GOLPH3: variants seen among roughly 807,000 people sequenced by gnomAD.
The protein encoded by GOLPH3 is golgi phosphoprotein 3, also known as coat protein GPP34.
A neutral mutation model predicts 28.5 loss-of-function variants in GOLPH3; 14 were observed. That is an observed-to-expected ratio of 0.49 (90% CI 0.32 to 0.77). The LOEUF (loss-of-function observed/expected upper bound fraction) is 0.77. GOLPH3 is among the 30% of genes least tolerant of loss of function. The pLI is 0.03. For missense variants in GOLPH3, 350 were observed against 393.7 expected (o/e 0.89, Z 0.94); for synonymous variants, 158 against 159.2 (o/e 0.99, Z 0.06).
chr5:32,156,440 T>C (rs1746428128), intron 1 of GOLPH3, among the ~76,000 whole-genome samples: 1 of 151,974 alleles, frequency 6.6e-6, no homozygotes, highest in Admixed American at 6.6e-5. Flanking sequence ...GAGGCAGCGG[T>C]TGCAGTGAAT....
chr5:32,143,613 A>G, intron 2 of GOLPH3, 136 bp downstream of exon 2: 1 of 768,884 alleles, frequency 1.3e-6, no homozygotes, highest in Non-Finnish European at 2.0e-6. Flanking sequence ...GAATGCAAAA[A>G]AGATATGGAA....
intron 1 of GOLPH3, among the ~76,000 whole-genome samples, chr5:32,156,690 G>C (rs1244991678): frequency 6.6e-6 from 1 of 152,082 alleles, no homozygotes; most frequent in African/African-American, 2.4e-5. Flanking sequence ...TTCTCATAAG[G>C]ATCGCCTACC....
At chr5:32,162,850 G>A (rs1392032118) in intron 1 of GOLPH3, among the ~76,000 whole-genome samples, 2 of 152,070 alleles carry the variant, frequency 1.3e-5, no homozygotes, top group South Asian at 2.1e-4. Flanking sequence ...AGGCAGAGGC[G>A]GGCGGATCAC....
At chr5:32,135,460 C>A in intron 3 of GOLPH3, 112 bp downstream of exon 3, 1 of 667,916 alleles carries the variant, frequency 1.5e-6, no homozygotes. Context: ...TCAAGTTTGC[C>A]TAAATAACTA....
At chr5:32,149,198 G>A (rs1473213591) in intron 1 of GOLPH3, among the ~76,000 whole-genome samples, 1 of 152,228 alleles carries the variant, frequency 6.6e-6, no homozygotes, top group Non-Finnish European at 1.5e-5. Context: ...GACAAATGCA[G>A]AGTAGAAATG....
At chr5:32,164,200 A>G (rs1349569025) in intron 1 of GOLPH3, among the ~76,000 whole-genome samples, 1 of 152,230 alleles carries the variant, frequency 6.6e-6, no homozygotes, top group Non-Finnish European at 1.5e-5. Flanking sequence ...CTAAACCTCA[A>G]CTAAGCACAA....
chr5:32,157,047 T>G (rs1189419254), intron 1 of GOLPH3, among the ~76,000 whole-genome samples: 1 of 152,216 alleles, frequency 6.6e-6, no homozygotes, highest in Non-Finnish European at 1.5e-5. Context: ...AGTTCCCTTT[T>G]AAGCAATTTG....
At chr5:32,165,684 C>T (rs1233927917) in intron 1 of GOLPH3, among the ~76,000 whole-genome samples, 1 of 152,164 alleles carries the variant, frequency 6.6e-6, no homozygotes, top group Non-Finnish European at 1.5e-5. Context: ...AACTTGAAGA[C>T]AGACATGTTC....
Position 32,174,214 on chromosome 5 carries a change from G to A in GOLPH3, c.-180C>T. On this transcript the variant is annotated 5_prime_UTR_variant, in exon 1 of 4. Coordinates refer to ENST00000265070, the MANE Select transcript of GOLPH3 (RefSeq NM_022130.4). ...AAACAGGTCAGGGCGAAGCGGGCTG[G>A]CCGGGCGTCGGCGGGGCAGGAGAGG... 1 of 386,500 alleles carries A rather than the reference G, an allele frequency of 2.6e-6. No homozygotes were observed. The highest frequency in any genetic ancestry group is 4.5e-6 in the Non-Finnish European group (1 of 221,966). The allele number at this position is 386,500 out of a possible 1,614,324, so 23.9% of individuals were successfully genotyped here. A position where few individuals can be genotyped will look rare whatever the true frequency, so the allele number is the denominator to read the frequency against.
intron 1 of GOLPH3, among the ~76,000 whole-genome samples, chr5:32,150,069 T>A (rs994459277): frequency 4.6e-5 from 7 of 151,398 alleles, no homozygotes; most frequent in Non-Finnish European, 8.8e-5. Flanking sequence ...AATGGAAAAA[T>A]TACTATAGAT....
intron 1 of GOLPH3, among the ~76,000 whole-genome samples, chr5:32,153,394 A>G (rs1746353300): frequency 6.6e-6 from 1 of 151,684 alleles, no homozygotes; most frequent in South Asian, 2.1e-4. Context: ...TATAACTTGC[A>G]ATATAATTAT....
chr5:32,151,304 A>C (rs1746301231), intron 1 of GOLPH3, among the ~76,000 whole-genome samples: 1 of 149,898 alleles, frequency 6.7e-6, no homozygotes, highest in Non-Finnish European at 1.5e-5. Flanking sequence ...AGGCAGGGGG[A>C]TCACCTAGGC....
chr5:32,128,554 A>G (rs2111833363), intron 3 of GOLPH3, among the ~76,000 whole-genome samples: 1 of 152,098 alleles, frequency 6.6e-6, no homozygotes, highest in South Asian at 2.1e-4. Flanking sequence ...AGCTACTCGG[A>G]CGGCTGAGGC....
intron 2 of GOLPH3, among the ~76,000 whole-genome samples, chr5:32,138,448 C>T (rs1215024608): frequency 1.3e-5 from 2 of 151,862 alleles, no homozygotes; most frequent in Admixed American, 6.6e-5. Context: ...AGGTTTGTTA[C>T]GTATATATAC....
chr5:32,143,985 C>T, intron 1 of GOLPH3, 105 bp from the exon 2 acceptor site: 1 of 663,704 alleles, frequency 1.5e-6, no homozygotes. Flanking sequence ...GTGCCTTTTA[C>T]CTTTCCTGTC....
intron 1 of GOLPH3, among the ~76,000 whole-genome samples, chr5:32,149,454 C>T (rs1746255679): frequency 6.6e-6 from 1 of 152,114 alleles, no homozygotes; most frequent in African/African-American, 2.4e-5. Flanking sequence ...TTGTACAAAT[C>T]TGAAAACCTT....
At chr5:32,156,658 T>C (rs1459890077) in intron 1 of GOLPH3, among the ~76,000 whole-genome samples, 4 of 152,096 alleles carry the variant, frequency 2.6e-5, no homozygotes, top group South Asian at 2.1e-4. Context: ...CCACCTCAGA[T>C]CCTATCGGGC....
At chr5:32,128,329 C>T (rs1351561016) in intron 3 of GOLPH3, among the ~76,000 whole-genome samples, 2 of 152,124 alleles carry the variant, frequency 1.3e-5, no homozygotes, top group Non-Finnish European at 2.9e-5. Context: ...CTAAACCAGT[C>T]CTAGAGTATA....
Position 32,125,857 on chromosome 5 carries a change from A to C in GOLPH3, c.*355T>G, listed in dbSNP as rs1745664749. Reference sequence around the variant, plus strand: ...ACTGTAGGCAGAATGCTAGATGTACATGCACATATGGAGAAACTCAAGCTG... The same window carrying C: ...ACTGTAGGCAGAATGCTAGATGTACCTGCACATATGGAGAAACTCAAGCTG... On this transcript the variant is annotated 3_prime_UTR_variant, in exon 4 of 4. Transcript: ENST00000265070. 4.9e-6 allele frequency: 1 copy of C among 202,094 alleles called. No homozygotes were observed. The highest frequency in any genetic ancestry group is 1.0e-5 in the Non-Finnish European group (1 of 99,438). 12.5% of individuals were successfully genotyped at this position (202,094 alleles called of 1,614,324 possible).
Sources: gnomAD v4.1 joint callset for allele counts (sites outside exome capture counted in the v4.1 genomes callset) on GRCh38, gnomAD v4.1.1 for gene constraint, MANE v1.5 for transcripts, NCBI Gene and HGNC (gene_info 2026-07-23, HGNC 2026-07-21) for gene names.